ANKLE2: variants seen among roughly 807,000 people sequenced by gnomAD.
ANKLE2 encodes the protein ankyrin repeat and LEM domain containing 2.
Under a neutral mutation model 84.2 loss-of-function variants are expected in ANKLE2, and 55 were observed. The ratio of observed to expected loss-of-function variants is 0.65; its 90% confidence interval spans 0.53 to 0.82. ANKLE2 has a LOEUF of 0.82. Ranked by LOEUF, ANKLE2 falls within the 40% of genes least tolerant of loss-of-function variation. The pLI is 0.00. For synonymous variants in ANKLE2, 551 were observed against 486.1 expected (o/e 1.13, Z -1.76); for missense variants, 1,238 against 1,201.9 (o/e 1.03, Z -0.44).
rs557311228 is a variant in ANKLE2, at chr12:132,737,136, G to A, written c.1421-71C>T. 1.1e-5 allele frequency: 17 copies of A among 1,493,736 alleles called. No homozygotes were observed. The East Asian group carries it at 1.6e-4, about 14-fold the overall frequency. The allele number at this position is 1,493,736 out of a possible 1,614,324, so 92.5% of individuals were successfully genotyped here. ...CAGGTCAGGCCTGGGTGAGCAGGAC[G>A]GGGATCACGCGAGCCCTTGCCAAGG... On this transcript the variant is annotated intron_variant, in intron 7 of 12. Transcript: ENST00000357997.
Position 132,727,275 on chromosome 12 carries a change from C to T in ANKLE2, c.2784G>A (p.Arg928=), listed in dbSNP as rs911676039. The change falls in exon 13 of 13, where the codon AGG becomes AGA. Residue 928 remains arginine, a synonymous_variant. Transcript: ENST00000357997. ...YSPVHGSQLR[R]MARLAELAAL ...CGGCAAGCTCAGCCAGGCGCGCCATCCTGCGGAGCTGGCTCCCGTGCACGG... is the reference window on the plus strand; with the variant it reads ...CGGCAAGCTCAGCCAGGCGCGCCATTCTGCGGAGCTGGCTCCCGTGCACGG... The T allele has an allele frequency of 4.5e-6, 7 of 1,566,254 alleles. No homozygotes were observed. Among genetic ancestry groups the T allele is most frequent in the Non-Finnish European group, 6.1e-6 (7 of 1,155,930 alleles).
chr12:132,750,379 CCTGT>C (rs1385679844), intron 3 of ANKLE2, among the ~76,000 whole-genome samples: 1 of 151,820 alleles, frequency 6.6e-6, no homozygotes, highest in Non-Finnish European at 1.5e-5. Flanking sequence ...AGAACAAGAC[CCTGT>C]CTCTTTACAA....
intron 10 of ANKLE2, chr12:132,734,137 C>A (rs2136119475): frequency 1.8e-6 from 1 of 564,476 alleles, no homozygotes; most frequent in Admixed American, 2.5e-5. Context: ...CCCAGCTACT[C>A]AGGAGGCTGA....
chr12:132,750,821 C>T lies in ANKLE2; in HGVS notation c.669G>A (p.Lys223=), dbSNP rs747026250. The stretch of plus-strand genomic sequence containing the variant: ...TCATCTTGACAGCTTGCAATGCTTC[C>T]TTTTTATTTTCATAAACATAGATCC... ...NERIYVYENK[K]EALQAVKMIK... Residue 223 remains lysine, a synonymous_variant, in exon 3 of 13, where the codon AAG becomes AAA. Coordinates refer to ENST00000357997, the MANE Select transcript of ANKLE2 (RefSeq NM_015114.3). The T allele has an allele frequency of 1.2e-6, 2 of 1,614,092 alleles. No individual in the cohort carries two copies. Among genetic ancestry groups the T allele is most frequent in the Non-Finnish European group, 1.7e-6 (2 of 1,180,008 alleles).
At chr12:132,751,715 G>C (rs1047641279) in intron 2 of ANKLE2, among the ~76,000 whole-genome samples, 3 of 151,476 alleles carry the variant, frequency 2.0e-5, no homozygotes, top group Non-Finnish European at 4.4e-5. Flanking sequence ...GCTAATTGTT[G>C]TATTTTTAGT....
At chr12:132,747,122 T>C (rs953688962) in intron 5 of ANKLE2, among the ~76,000 whole-genome samples, 10 of 152,108 alleles carry the variant, frequency 6.6e-5, no homozygotes. Flanking sequence ...AGGTGGAGGG[T>C]GGGGCATGGG....
At chr12:132,741,691 G>A in intron 6 of ANKLE2, 1 of 668,662 alleles carries the variant, frequency 1.5e-6, no homozygotes, top group Non-Finnish European at 2.7e-6. Context: ...CACACTCTGG[G>A]ATTATGGGTA....
At chr12:132,731,029 C>CT (rs2136107528) in intron 10 of ANKLE2, 1 of 152,368 alleles carries the variant, frequency 6.6e-6, no homozygotes, top group East Asian at 1.9e-4. Context: ...AGTAACCCTG[C>CT]TGCGCTTTAG....
At chr12:132,755,921 T>C (rs12367588) in intron 1 of ANKLE2, 55,533 of 151,936 alleles carry the variant, frequency 0.37, 10,860 homozygotes, top group South Asian at 0.47. Context: ...CTCAGCTCAC[T>C]GCAACCTCTG....
chr12:132,732,705 GCACCGTGTGAAGCTCTCTGCGTC>G (rs2043901411), intron 10 of ANKLE2, among the ~76,000 whole-genome samples: 7 of 111,294 alleles, frequency 6.3e-5, no homozygotes, highest in Admixed American at 1.8e-4. Context: ...TGTCTGATAT[GCACCGTGTGAAGCTCTCTGCGTC>G]CTGGTGTCTG....
intron 5 of ANKLE2, among the ~76,000 whole-genome samples, chr12:132,745,906 C>T (rs899030300): frequency 1.2e-4 from 19 of 152,250 alleles, no homozygotes; most frequent in Non-Finnish European, 2.4e-4. Flanking sequence ...GTGGCTACCG[C>T]ATCCACATGA....
chr12:132,736,728 C>T (rs1272890821), intron 8 of ANKLE2, among the ~76,000 whole-genome samples, 165 bp downstream of exon 8: 1 of 152,254 alleles, frequency 6.6e-6, no homozygotes, highest in South Asian at 2.1e-4. Flanking sequence ...CTCTGACAAA[C>T]GTTCTCATCA....
chr12:132,748,081 T>C, intron 4 of ANKLE2, 57 bp downstream of exon 4: 2 of 1,604,382 alleles, frequency 1.2e-6, no homozygotes, highest in African/African-American at 1.3e-5. Flanking sequence ...CCTGTGCGAG[T>C]GCTGCGATGG....
intron 5 of ANKLE2, among the ~76,000 whole-genome samples, chr12:132,746,803 C>T (rs1158284066): frequency 1.3e-5 from 2 of 152,178 alleles, no homozygotes; most frequent in Non-Finnish European, 2.9e-5. Flanking sequence ...TGGGATTTTA[C>T]ACCTGGCCTG....
chr12:132,761,560 G>A (rs1213751280), intron 1 of ANKLE2, 58 bp downstream of exon 1: 1 of 1,182,172 alleles, frequency 8.5e-7, no homozygotes. Context: ...GCCCGAGGAG[G>A]GCGTCGGGGC....
chr12:132,754,945 CATG>C lies in ANKLE2; in HGVS notation c.367_369del (p.His123del), dbSNP rs766512976. The stretch of plus-strand genomic sequence containing the variant: ...TGGCTGAGAGCTGTGACACCTGCCT[CATG>C]GTGGTAGAAAGAAGACAGCCTTCCT... On this transcript the variant is annotated inframe_deletion, in exon 2 of 13. Transcript: ENST00000357997. 1 of 1,614,224 alleles carries C rather than the reference CATG, an allele frequency of 6.2e-7. No homozygotes were observed. Among genetic ancestry groups the C allele is most frequent in the South Asian group, 1.1e-5 (1 of 91,084 alleles).
At chr12:132,732,930 T>A (rs528479671) in intron 10 of ANKLE2, among the ~76,000 whole-genome samples, 21 of 133,402 alleles carry the variant, frequency 1.6e-4, no homozygotes, top group African/African-American at 4.3e-4. Flanking sequence ...TGGTGTCTGA[T>A]ATGCACCGTG....
In ANKLE2 at chr12:132,750,844, T is replaced by C; in HGVS notation, c.646A>G (p.Ile216Val). Residue 216 changes from isoleucine (I) to valine (V), a missense_variant, in exon 3 of 13, where the codon ATC (isoleucine) becomes GTC (valine). Around this residue, in one of 3 missense-constraint regions of ANKLE2, gnomAD observed 422 missense variants for 394.5 expected, o/e 1.07. Transcript: ENST00000357997. Reference protein sequence around the residue: ...YEDVPARNERIYVYENKKEAL... With the variant: ...YEDVPARNERVYVYENKKEAL... The stretch of plus-strand genomic sequence containing the variant: ...TCCTTTTTATTTTCATAAACATAGA[T>C]CCTTTCTGGGTAAGAAAAGTAACAA... The C allele has an allele frequency of 6.2e-7, 1 of 1,613,730 alleles. No individual in the cohort carries two copies. Among genetic ancestry groups the C allele is most frequent in the Non-Finnish European group, 8.5e-7 (1 of 1,179,792 alleles).
Position 132,743,091 on chromosome 12 carries a change from C to G in ANKLE2, c.1353+63G>C. 1 of 1,487,536 alleles carries G rather than the reference C, an allele frequency of 6.7e-7. No homozygotes were observed. Among genetic ancestry groups the G allele is most frequent in the South Asian group, 1.4e-5 (1 of 73,294 alleles). 92.1% of individuals were successfully genotyped at this position (1,487,536 alleles called of 1,614,324 possible). A position where few individuals can be genotyped will look rare whatever the true frequency, so the allele number is the denominator to read the frequency against. ...GCTTCCCTGTGCCTGTGATCACAGA[C>G]TGTAAATTTATATATTTCCATTTCT... On this transcript the variant is annotated intron_variant, in intron 6 of 12. Transcript: ENST00000357997. This position sits in a 1 kb window ranked among gnomAD's most constrained non-coding sequence, Gnocchi z 4.1.
Sources: gnomAD v4.1 joint callset for allele counts (sites outside exome capture counted in the v4.1 genomes callset) on GRCh38, gnomAD v4.1.1 for gene constraint, gnomAD v4.1.1 regional missense constraint, Gnocchi (gnomAD v3.1) non-coding constraint, MANE v1.5 for transcripts, NCBI Gene and HGNC (gene_info 2026-07-23, HGNC 2026-07-21) for gene names.